The following TENM4 variants were observed in gnomAD, a reference collection of about 807,000 sequenced individuals.
TENM4 encodes teneurin transmembrane protein 4.
In TENM4, 82 loss-of-function variants were observed where a neutral mutation model predicts 243.3. That is an observed-to-expected ratio of 0.34 (90% CI 0.28 to 0.40). The LOEUF (loss-of-function observed/expected upper bound fraction) is 0.40. Among genes scored for constraint, TENM4 ranks in the 10% least tolerant of loss-of-function variants. The pLI, the probability that TENM4 is intolerant of heterozygous loss-of-function variation, is 1.00. For missense variants in TENM4, 3,138 were observed against 3,673.3 expected (o/e 0.85, Z 3.77); for synonymous variants, 1,412 against 1,456.3 (o/e 0.97, Z 0.69).
intron 6 of TENM4, among the ~76,000 whole-genome samples, chr11:78,970,101 T>C (rs1857510073): frequency 6.6e-6 from 1 of 152,244 alleles, no homozygotes; most frequent in South Asian, 2.1e-4. Context: ...TGAAGAAAAC[T>C]GAAGTTTCCT....
chr11:78,769,171 G>A (rs1856599824), intron 18 of TENM4, among the ~76,000 whole-genome samples: 1 of 152,132 alleles, frequency 6.6e-6, no homozygotes, highest in African/African-American at 2.4e-5. Context: ...CATTGGAATT[G>A]TGCCTACACA....
intron 1 of TENM4, among the ~76,000 whole-genome samples, chr11:79,301,144 A>G (rs907294036): frequency 6.6e-6 from 1 of 152,222 alleles, no homozygotes; most frequent in African/African-American, 2.4e-5. Flanking sequence ...TGAAGCCAGA[A>G]GTATTTTTTA....
At chr11:78,884,796 C>T (rs2136281141) in intron 9 of TENM4, among the ~76,000 whole-genome samples, 1 of 152,324 alleles carries the variant, frequency 6.6e-6, no homozygotes, top group East Asian at 1.9e-4. Flanking sequence ...AGCTCAAGAG[C>T]TTGAGTGCCT....
intron 32 of TENM4, among the ~76,000 whole-genome samples, chr11:78,662,252 C>T (rs4945306): frequency 0.043 from 6,434 of 150,274 alleles, 276 homozygotes; most frequent in African/African-American, 0.099. Context: ...AGTGCAGTGG[C>T]GTGATCTTGG....
chr11:79,156,574 G>C (rs373041709), intron 3 of TENM4, among the ~76,000 whole-genome samples: 1 of 152,102 alleles, frequency 6.6e-6, no homozygotes, highest in Non-Finnish European at 1.5e-5. Context: ...TCAGTGGAAG[G>C]TTACCTCCTC....
intron 1 of TENM4, among the ~76,000 whole-genome samples, chr11:79,299,957 G>C (rs1856523964): frequency 6.6e-6 from 1 of 152,152 alleles, no homozygotes; most frequent in Non-Finnish European, 1.5e-5. Flanking sequence ...CACTGAATAT[G>C]AGCTACAAAC....
At chr11:79,376,480 A>G (rs1198320868) in intron 1 of TENM4, among the ~76,000 whole-genome samples, 1 of 152,208 alleles carries the variant, frequency 6.6e-6, no homozygotes, top group African/African-American at 2.4e-5. Flanking sequence ...GTCTCAGTTT[A>G]AGCCTGGCCT....
chr11:79,078,335 A>G (rs1013372674), intron 4 of TENM4, among the ~76,000 whole-genome samples: 1 of 152,210 alleles, frequency 6.6e-6, no homozygotes, highest in Non-Finnish European at 1.5e-5. Flanking sequence ...TCCACAAAAT[A>G]TAAGTCCTGG....
At chr11:78,838,529 T>C (rs925671482) in intron 12 of TENM4, among the ~76,000 whole-genome samples, 2 of 152,240 alleles carry the variant, frequency 1.3e-5, no homozygotes, top group African/African-American at 4.8e-5. Context: ...GCTTGACTTT[T>C]AAATATTTAC....
intron 3 of TENM4, among the ~76,000 whole-genome samples, chr11:79,172,336 C>T (rs139874483): frequency 1.5e-4 from 23 of 152,328 alleles, no homozygotes; most frequent in African/African-American, 5.5e-4. Flanking sequence ...CCCACTACAG[C>T]CTCCTAAAGA....
chr11:78,823,611 GA>G (rs1052114683), intron 12 of TENM4, among the ~76,000 whole-genome samples: 2 of 152,144 alleles, frequency 1.3e-5, no homozygotes, highest in Non-Finnish European at 2.9e-5. Flanking sequence ...AGCCTGGAAA[GA>G]GGCGGGAACA....
At chr11:78,788,223 C>G (rs1856979413) in intron 15 of TENM4, among the ~76,000 whole-genome samples, 1 of 152,246 alleles carries the variant, frequency 6.6e-6, no homozygotes. Context: ...AATTAGGTCT[C>G]AGAGGCTCAG....
chr11:78,840,921 C>T (rs1858243943), intron 12 of TENM4, among the ~76,000 whole-genome samples: 2 of 152,144 alleles, frequency 1.3e-5, no homozygotes, highest in Non-Finnish European at 2.9e-5. Context: ...CTTGTTTCAT[C>T]ATCTCTATAA....
chr11:79,237,016 A>C (rs1864487959), intron 2 of TENM4, among the ~76,000 whole-genome samples: 1 of 152,202 alleles, frequency 6.6e-6, no homozygotes, highest in African/African-American at 2.4e-5. Flanking sequence ...TCTGGCAGCC[A>C]AGCTTGAGTC....
At chr11:78,929,300 G>A (rs1379433796) in intron 6 of TENM4, among the ~76,000 whole-genome samples, 2 of 152,200 alleles carry the variant, frequency 1.3e-5, no homozygotes, top group African/African-American at 4.8e-5. Flanking sequence ...TCCATGTGCG[G>A]CAGGTAATTA....
intron 14 of TENM4, among the ~76,000 whole-genome samples, chr11:78,806,470 C>T (rs540484426): frequency 6.6e-6 from 1 of 152,304 alleles, no homozygotes; most frequent in South Asian, 2.1e-4. Flanking sequence ...AAAGTGGTCT[C>T]AGGAGACCAA....
rs1246693581 is a variant in TENM4, at chr11:78,854,124, G to A, written c.1661C>T (p.Ser554Phe). ...CTTACCAATGGCAGTGGTGAGAAAG[G>A]AAACCACTTCTGACTCCTTTCCGTC... ...YNDGKESEVVSFLTTAIESVD... is the reference protein window; with the variant it reads ...YNDGKESEVVFFLTTAIESVD... The change falls in exon 12 of 34, where the codon TCC becomes TTC. Residue 554 changes from serine to phenylalanine, a missense_variant. Physicochemically the swap from Ser to Phe is radical, Grantham distance 155. Coordinates refer to ENST00000278550, the MANE Select transcript of TENM4 (RefSeq NM_001098816.3). 6.4e-7 allele frequency: 1 copy of A among 1,551,650 alleles called. No homozygotes were observed. The highest frequency in any genetic ancestry group is 1.4e-5 in the African/African-American group (1 of 73,188).
At chr11:78,917,956 A>G (rs538592005) in intron 6 of TENM4, among the ~76,000 whole-genome samples, 1 of 152,300 alleles carries the variant, frequency 6.6e-6, no homozygotes, top group African/African-American at 2.4e-5. Context: ...AAGAACACGC[A>G]TGACACACAG....
intron 6 of TENM4, among the ~76,000 whole-genome samples, chr11:78,926,485 G>T (rs1856553369): frequency 6.6e-6 from 1 of 151,938 alleles, no homozygotes; most frequent in Non-Finnish European, 1.5e-5. Context: ...TATTGGTCAG[G>T]CTGGTTTCAA....
Sources: allele counts gnomAD v4.1 joint callset (sites outside exome capture counted in the v4.1 genomes callset), GRCh38; gene constraint gnomAD v4.1.1; transcripts MANE v1.5; gene names NCBI Gene and HGNC (gene_info 2026-07-23, HGNC 2026-07-21).